INPP5A: variants seen among roughly 807,000 people sequenced by gnomAD.
INPP5A encodes the protein 43 kDa inositol polyphosphate 5-phophatase.
INPP5A carries 14 observed loss-of-function variants against 65.2 expected under a neutral mutation model. The observed-to-expected ratio is 0.21, with a 90% CI of 0.14 to 0.34. The LOEUF (loss-of-function observed/expected upper bound fraction) is 0.34, where lower values mean the gene tolerates loss of function less well. Ranked by LOEUF, INPP5A falls within the 10% of genes least tolerant of loss-of-function variation. INPP5A has a pLI of 1.00. For missense variants in INPP5A, 431 were observed against 545.6 expected, an observed-to-expected ratio of 0.79 and a Z score of 2.09; for synonymous variants, 207 against 208.3, an observed-to-expected ratio of 0.99 and a Z score of 0.05.
At chr10:132,778,569 A>G (rs1409391781) in intron 13 of INPP5A, among the ~76,000 whole-genome samples, 2 of 152,176 alleles carry the variant, frequency 1.3e-5, no homozygotes, top group Non-Finnish European at 2.9e-5. Flanking sequence ...TTAAATGCAG[A>G]TAGTAATGAA....
At chr10:132,661,229 T>A (rs1371131880) in intron 4 of INPP5A, among the ~76,000 whole-genome samples, 3 of 152,216 alleles carry the variant, frequency 2.0e-5, no homozygotes, top group Non-Finnish European at 4.4e-5. Flanking sequence ...CTGAATTGCC[T>A]ACATTGAAAG....
intron 5 of INPP5A, among the ~76,000 whole-genome samples, chr10:132,693,049 A>G (rs771250687): frequency 6.6e-5 from 10 of 152,252 alleles, no homozygotes; most frequent in Non-Finnish European, 1.5e-4. Flanking sequence ...GTACTCTGTT[A>G]TAAGAAACCT....
intron 9 of INPP5A, among the ~76,000 whole-genome samples, chr10:132,742,342 A>G (rs1054517545): frequency 1.3e-5 from 2 of 152,222 alleles, no homozygotes; most frequent in African/African-American, 2.4e-5. Flanking sequence ...CAGTGGCACC[A>G]GCTCTCAGAG....
rs200972994 is a variant in INPP5A at position 132,781,826 on chromosome 10, C to T, written c.1159-35C>T. On this transcript the variant is annotated intron_variant, in intron 14 of 15. Transcript: ENST00000368594. ...GGCATGTGCTGTGCTGTCCCGCGTG[C>T]GCCGTGCTGACACCGTCCTCTCTTC... 3.0e-4 allele frequency: 463 copies of T among 1,568,766 alleles called. 1 individual carries two copies. Among genetic ancestry groups the T allele is most frequent in the East Asian group, 1.5e-3 (67 of 44,660 alleles).
chr10:132,564,781 G>C (rs992986830), intron 1 of INPP5A, among the ~76,000 whole-genome samples: 12 of 152,314 alleles, frequency 7.9e-5, no homozygotes, highest in Non-Finnish European at 1.5e-4. Flanking sequence ...TGGCAGATGG[G>C]CTCTTCTATG....
rs567751001 is a variant in INPP5A at position 132,738,608 on chromosome 10, G to A, written c.733-10909G>A. ...AGACCCGCCGCCTTCTTCCCAGAAA[G>A]TCTGTTGAGCTCTAGCTGGCGTGAG... is the stretch of plus-strand genomic sequence containing the variant. On this transcript the variant is annotated intron_variant, in intron 9 of 15. Coordinates refer to ENST00000368594, the MANE Select transcript of INPP5A (RefSeq NM_005539.5). Among the ~76,000 whole-genome samples the A allele has an allele frequency of 9.6e-4, 147 of 152,388 alleles. 1 individual carries two copies. Among genetic ancestry groups the A allele is most frequent in the African/African-American group, 3.4e-3 (142 of 41,598 alleles).
chr10:132,750,082 C>T (rs1161625950), intron 11 of INPP5A, among the ~76,000 whole-genome samples: 7 of 152,222 alleles, frequency 4.6e-5, no homozygotes, highest in African/African-American at 7.2e-5. Context: ...GCATGACACT[C>T]GACCCATCAG....
chr10:132,742,484 C>T (rs1213759332), intron 9 of INPP5A, among the ~76,000 whole-genome samples: 1 of 152,140 alleles, frequency 6.6e-6, no homozygotes, highest in African/African-American at 2.4e-5. Context: ...ACTCGCTGGC[C>T]GTTGGTCTCA....
chr10:132,550,266 C>A lies in INPP5A; in HGVS notation c.75+12095C>A, dbSNP rs907786686. 2.0e-5 allele frequency among the ~76,000 whole-genome samples: 3 copies of A among 152,210 alleles called. No individual in the cohort carries two copies. The highest frequency in any genetic ancestry group is 4.4e-5 in the Non-Finnish European group (3 of 68,038). On this transcript the variant is annotated intron_variant, in intron 1 of 15. Transcript: ENST00000368594. The surrounding 1 kb of genome is among the most constrained non-coding windows in gnomAD (Gnocchi z 4.2). ...TGGTCCCGCAGGTTAATTCACTTCA[C>A]CCAGCCTCTCAGGGATGTAATGAGG...
chr10:132,732,159 C>T lies in INPP5A; in HGVS notation c.732+5254C>T, dbSNP rs981516840. Among the ~76,000 whole-genome samples the T allele has an allele frequency of 2.0e-5, 3 of 152,260 alleles. No homozygotes were observed. In the East Asian group the frequency reaches 5.8e-4, roughly 29 times the overall value. ...TGCCCATGCAGTTACCAGGCCCTGG[C>T]TTATAATGCCCTCATGCTGGACAGA... is the stretch of plus-strand genomic sequence containing the variant. On this transcript the variant is annotated intron_variant, in intron 9 of 15. Transcript: ENST00000368594.
intron 4 of INPP5A, among the ~76,000 whole-genome samples, chr10:132,669,081 G>A (rs576350637): frequency 5.9e-5 from 9 of 152,224 alleles, no homozygotes; most frequent in Admixed American, 2.0e-4. Flanking sequence ...GTGAAACCCC[G>A]TCTCTACTAA....
intron 9 of INPP5A, among the ~76,000 whole-genome samples, chr10:132,739,587 C>T (rs1846237552): frequency 6.6e-6 from 1 of 152,232 alleles, no homozygotes; most frequent in Non-Finnish European, 1.5e-5. Context: ...CTGATCTCAG[C>T]CACTCCCAGA....
intron 9 of INPP5A, among the ~76,000 whole-genome samples, chr10:132,744,625 T>C (rs1192365722): frequency 1.3e-5 from 2 of 152,218 alleles, no homozygotes; most frequent in Non-Finnish European, 2.9e-5. Flanking sequence ...TGCCCCTTAG[T>C]AGCTGCCTGT....
intron 1 of INPP5A, among the ~76,000 whole-genome samples, chr10:132,562,312 G>A (rs563296655): frequency 1.3e-5 from 2 of 152,360 alleles, no homozygotes; most frequent in South Asian, 2.1e-4. Flanking sequence ...TGGCCCGCTC[G>A]CCACCTCTGG....
intron 8 of INPP5A, among the ~76,000 whole-genome samples, chr10:132,719,985 A>G (rs1260330617): frequency 3.5e-4 from 33 of 94,190 alleles, no homozygotes; most frequent in Admixed American, 1.5e-3. Context: ...CACCTTAGAT[A>G]GCTGTCTTCA....
In INPP5A at chr10:132,719,533, G is replaced by A. The variant is rs1431968235; in HGVS notation, c.648-7288G>A. Among the ~76,000 whole-genome samples, 11 of 149,992 alleles carry A rather than the reference G, an allele frequency of 7.3e-5. No individual in the cohort carries two copies. In the South Asian group the frequency reaches 1.3e-3, roughly 17 times the overall value. The stretch of plus-strand genomic sequence containing the variant: ...TGGGCGCCTTAGACGGCTGTCTTGC[G>A]GGTTCTGTGGTGCCTGGGTTCTGTC... On this transcript the variant is annotated intron_variant, in intron 8 of 15. Coordinates refer to ENST00000368594, the MANE Select transcript of INPP5A (RefSeq NM_005539.5).
chr10:132,779,893 C>T (rs185451920), intron 13 of INPP5A, among the ~76,000 whole-genome samples: 221 of 152,296 alleles, frequency 1.5e-3, no homozygotes, highest in Non-Finnish European at 2.2e-3. Context: ...GTGAGGTGTG[C>T]CGCACGCTGC....
intron 4 of INPP5A, among the ~76,000 whole-genome samples, chr10:132,660,819 A>T (rs560436846): frequency 1.1e-4 from 17 of 152,340 alleles, no homozygotes; most frequent in African/African-American, 3.6e-4. Context: ...TTTCAAACGT[A>T]GAGTCCTCTG....
At chr10:132,579,250 C>T (rs534231241) in intron 1 of INPP5A, among the ~76,000 whole-genome samples, 4 of 151,400 alleles carry the variant, frequency 2.6e-5, no homozygotes, top group African/African-American at 4.9e-5. Flanking sequence ...CGGAGGGGAC[C>T]GCGGGGCGGG....
Sources: gnomAD v4.1 joint callset for allele counts (sites outside exome capture counted in the v4.1 genomes callset) on GRCh38, gnomAD v4.1.1 for gene constraint, Gnocchi (gnomAD v3.1) non-coding constraint, MANE v1.5 for transcripts, NCBI Gene and HGNC (gene_info 2026-07-23, HGNC 2026-07-21) for gene names.